The following C1orf21 variants were observed in gnomAD, a reference collection of about 807,000 sequenced individuals.
C1orf21 encodes uncharacterized protein C1orf21.
Under a neutral mutation model 18.7 loss-of-function variants are expected in C1orf21, and 3 were observed. That is an observed-to-expected ratio of 0.16 (90% CI 0.07 to 0.42). The LOEUF (loss-of-function observed/expected upper bound fraction) is 0.42, where lower values mean the gene tolerates loss of function less well. Among genes scored for constraint, C1orf21 ranks in the 10% least tolerant of loss-of-function variants. C1orf21 has a pLI of 0.99. For synonymous variants in C1orf21, 41 were observed against 46.4 expected (o/e 0.88, Z 0.47); for missense variants, 104 against 143.6 (o/e 0.72, Z 1.41).
intron 1 of C1orf21, among the ~76,000 whole-genome samples, chr1:184,439,688 C>T (rs974947779): frequency 3.3e-5 from 5 of 152,020 alleles, no homozygotes; most frequent in South Asian, 4.2e-4. Context: ...CAGTGGCTCA[C>T]GCCTGTAATC....
At chr1:184,560,037 C>G (rs576401653) in intron 3 of C1orf21, among the ~76,000 whole-genome samples, 1 of 152,270 alleles carries the variant, frequency 6.6e-6, no homozygotes, top group Admixed American at 6.5e-5. Context: ...CAGATGTGAG[C>G]CACCGTGCCC....
intron 3 of C1orf21, among the ~76,000 whole-genome samples, chr1:184,566,048 C>T (rs1462701130): frequency 2.6e-5 from 4 of 152,020 alleles, no homozygotes; most frequent in African/African-American, 4.8e-5. Flanking sequence ...TTTTGTTGTA[C>T]GTTGTTTAAA....
At chr1:184,559,957 C>T (rs1259465549) in intron 3 of C1orf21, among the ~76,000 whole-genome samples, 2 of 151,904 alleles carry the variant, frequency 1.3e-5, no homozygotes, top group Non-Finnish European at 2.9e-5. Flanking sequence ...TCACTATGTT[C>T]CTCAGGCTGG....
At chr1:184,601,261 A>G (rs1205002885) in intron 5 of C1orf21, among the ~76,000 whole-genome samples, 1 of 152,150 alleles carries the variant, frequency 6.6e-6, no homozygotes, top group African/African-American at 2.4e-5. Flanking sequence ...GACTAAACCT[A>G]TGGAGATGTA....
At chr1:184,618,093 A>G (rs571703774) in intron 5 of C1orf21, among the ~76,000 whole-genome samples, 2 of 151,960 alleles carry the variant, frequency 1.3e-5, no homozygotes, top group Admixed American at 1.3e-4. Context: ...TGTTTTTAGT[A>G]GAGATGGGGT....
intron 1 of C1orf21, among the ~76,000 whole-genome samples, chr1:184,460,629 T>A (rs994887294): frequency 4.6e-5 from 2 of 43,302 alleles, no homozygotes; most frequent in African/African-American, 1.0e-4. Context: ...CGTCTTCTTC[T>A]TCTTCTTCTT....
intron 1 of C1orf21, among the ~76,000 whole-genome samples, chr1:184,411,256 TA>T (rs984174556): frequency 6.6e-6 from 1 of 152,110 alleles, no homozygotes; most frequent in African/African-American, 2.4e-5. Context: ...ATTATTCCCT[TA>T]TTAATGATTG....
chr1:184,572,655 A>T (rs560337857), intron 3 of C1orf21, among the ~76,000 whole-genome samples: 44 of 152,150 alleles, frequency 2.9e-4, no homozygotes, highest in Admixed American at 1.4e-3. Flanking sequence ...GATTTTTTTT[A>T]AAAAAATTAT....
At chr1:184,505,568 C>A (rs552285935) in intron 2 of C1orf21, among the ~76,000 whole-genome samples, 25 of 151,440 alleles carry the variant, frequency 1.7e-4, no homozygotes, top group African/African-American at 5.8e-4. Context: ...TTCGAGACCA[C>A]CCTGGCCAAC....
At chr1:184,491,731 C>G (rs1657819848) in intron 2 of C1orf21, among the ~76,000 whole-genome samples, 1 of 152,176 alleles carries the variant, frequency 6.6e-6, no homozygotes, top group African/African-American at 2.4e-5. Context: ...TCATCAATGA[C>G]AGTGACCTTC....
chr1:184,407,321 A>G (rs942847361), intron 1 of C1orf21, among the ~76,000 whole-genome samples: 8 of 152,178 alleles, frequency 5.3e-5, no homozygotes, highest in Non-Finnish European at 8.8e-5. Context: ...TTTAATGTGG[A>G]ACTAACTGTG....
intron 3 of C1orf21, among the ~76,000 whole-genome samples, chr1:184,581,469 T>C (rs966097956): frequency 6.6e-6 from 1 of 152,100 alleles, no homozygotes; most frequent in African/African-American, 2.4e-5. Flanking sequence ...CATTTTTTAC[T>C]ATAGCATAAC....
chr1:184,442,542 C>CAGATA (rs1656965051), intron 1 of C1orf21, among the ~76,000 whole-genome samples: 1 of 152,106 alleles, frequency 6.6e-6, no homozygotes, highest in Non-Finnish European at 1.5e-5. Context: ...AGATATAGGG[C>CAGATA]CTAGAATTAT....
chr1:184,521,464 C>G (rs900970434), intron 3 of C1orf21, among the ~76,000 whole-genome samples: 1 of 151,714 alleles, frequency 6.6e-6, no homozygotes, highest in Non-Finnish European at 1.5e-5. Flanking sequence ...AATGAGCTAC[C>G]AAGCCATGAA....
At chr1:184,555,633 C>G (rs1474818280) in intron 3 of C1orf21, among the ~76,000 whole-genome samples, 1 of 152,006 alleles carries the variant, frequency 6.6e-6, no homozygotes, top group Non-Finnish European at 1.5e-5. Flanking sequence ...AGCCTTGTGC[C>G]CCCATTTTTT....
At chr1:184,568,816 G>GT (rs1276741530) in intron 3 of C1orf21, among the ~76,000 whole-genome samples, 11 of 152,274 alleles carry the variant, frequency 7.2e-5, no homozygotes, top group Non-Finnish European at 1.5e-5. Context: ...AGCTCCAAAG[G>GT]TCATTCTGCC....
intron 1 of C1orf21, among the ~76,000 whole-genome samples, chr1:184,432,482 A>G (rs547133154): frequency 1.3e-5 from 2 of 152,310 alleles, no homozygotes; most frequent in East Asian, 3.9e-4. Context: ...GAACACAAGG[A>G]CACAGAGAGG....
At chr1:184,551,724 G>A (rs533388007) in intron 3 of C1orf21, among the ~76,000 whole-genome samples, 2 of 152,092 alleles carry the variant, frequency 1.3e-5, no homozygotes, top group Non-Finnish European at 2.9e-5. Flanking sequence ...GGCTTTGGGG[G>A]TCCAGGGTGC....
intron 3 of C1orf21, among the ~76,000 whole-genome samples, chr1:184,543,350 A>AG (rs1336774230): frequency 2.6e-5 from 4 of 151,802 alleles, no homozygotes; most frequent in African/African-American, 9.7e-5. Context: ...TACAAGAAGA[A>AG]AAAAAAAATC....
Sources: allele counts gnomAD v4.1 joint callset (sites outside exome capture counted in the v4.1 genomes callset), GRCh38; gene constraint gnomAD v4.1.1; transcripts MANE v1.5; gene names NCBI Gene and HGNC (gene_info 2026-07-23, HGNC 2026-07-21).